Variants in SAMMSON observed in about 807,000 individuals in gnomAD.
The protein encoded by SAMMSON is long intergenic non-protein coding RNA 1212.
chr3:70,243,313 AT>A (rs1205066122), intron 4 of SAMMSON, among the ~76,000 whole-genome samples: 4 of 151,614 alleles, frequency 2.6e-5, no homozygotes, highest in African/African-American at 9.7e-5. Context: ...AATAATTTTC[AT>A]TTTTCTTTGT....
At chr3:70,128,673 G>A (rs1452467693) in intron 4 of SAMMSON, among the ~76,000 whole-genome samples, 1 of 152,040 alleles carries the variant, frequency 6.6e-6, no homozygotes, top group Non-Finnish European at 1.5e-5. Context: ...TCTTTCGATT[G>A]TCTGACTCTT....
At chr3:70,328,033 T>C (rs979182068) in intron 7 of SAMMSON, among the ~76,000 whole-genome samples, 7 of 152,052 alleles carry the variant, frequency 4.6e-5, no homozygotes, top group Non-Finnish European at 1.0e-4. Flanking sequence ...TGGTGGAAGG[T>C]GAAAGGCACA....
At chr3:70,329,515 T>C (rs1240331417) in intron 7 of SAMMSON, among the ~76,000 whole-genome samples, 1 of 151,948 alleles carries the variant, frequency 6.6e-6, no homozygotes, top group Non-Finnish European at 1.5e-5. Flanking sequence ...TATAAAAATA[T>C]TGTATTATAG....
At chr3:70,421,778 A>G (rs1264215019) in intron 2 of SAMMSON, among the ~76,000 whole-genome samples, 1 of 152,108 alleles carries the variant, frequency 6.6e-6, no homozygotes, top group Non-Finnish European at 1.5e-5. Flanking sequence ...TAACTTTCAA[A>G]TGCTTGGTCT....
chr3:70,260,275 C>G (rs1701853167), intron 6 of SAMMSON, among the ~76,000 whole-genome samples: 1 of 152,158 alleles, frequency 6.6e-6, no homozygotes, highest in Non-Finnish European at 1.5e-5. Flanking sequence ...TACGGCATTT[C>G]CCCTGTGTGT....
At position 70,331,332 on chromosome 3, in the gene SAMMSON, C is replaced by T. The variant is rs557176275; in HGVS notation, n.740-22843C>T. Among the ~76,000 whole-genome samples, 70 of 152,258 alleles carry T rather than the reference C, an allele frequency of 4.6e-4. 1 individual carries two copies. The South Asian group carries it at 0.013, about 28-fold the overall frequency. ...ACTAGTGGATGAGCTACTGGTGTAT[C>T]GCTAGGGCTTATGTACAGCTTATCA... On this transcript the variant is annotated intron_variant and non_coding_transcript_variant, in intron 7 of 9. Transcript: ENST00000642114.
intron 1 of SAMMSON, among the ~76,000 whole-genome samples, chr3:70,002,081 A>G (rs2107573675): frequency 6.6e-6 from 1 of 152,200 alleles, no homozygotes; most frequent in South Asian, 2.1e-4. Flanking sequence ...CTTTATATGG[A>G]TGTATCACAG....
chr3:70,215,848 C>A (rs1302327994), intron 4 of SAMMSON, among the ~76,000 whole-genome samples: 1 of 152,082 alleles, frequency 6.6e-6, no homozygotes, highest in East Asian at 1.9e-4. Flanking sequence ...ACAATGGACT[C>A]ATCCTTAGGG....
intron 6 of SAMMSON, among the ~76,000 whole-genome samples, chr3:70,285,079 T>G (rs1355951974): frequency 6.6e-6 from 1 of 152,072 alleles, no homozygotes; most frequent in Non-Finnish European, 1.5e-5. Flanking sequence ...TATTATACTT[T>G]AAGTTTTAGG....
intron 7 of SAMMSON, among the ~76,000 whole-genome samples, chr3:70,293,429 A>T (rs1216336791): frequency 6.6e-6 from 1 of 152,162 alleles, no homozygotes; most frequent in Non-Finnish European, 1.5e-5. Flanking sequence ...GCAACAACAG[A>T]AATTAAATAG....
intron 3 of SAMMSON, among the ~76,000 whole-genome samples, chr3:70,053,313 T>A (rs1369129814): frequency 6.6e-6 from 1 of 152,170 alleles, no homozygotes; most frequent in African/African-American, 2.4e-5. Flanking sequence ...CCTGTAGCCT[T>A]TTCCATGCAT....
chr3:70,076,552 G>A (rs1308501352), intron 4 of SAMMSON, among the ~76,000 whole-genome samples: 1 of 152,108 alleles, frequency 6.6e-6, no homozygotes, highest in African/African-American at 2.4e-5. Context: ...CGTGTGTGTG[G>A]TTCAGTGCAG....
At chr3:70,375,426 G>T (rs1440931297) in intron 9 of SAMMSON, among the ~76,000 whole-genome samples, 2 of 146,820 alleles carry the variant, frequency 1.4e-5, no homozygotes, top group Admixed American at 6.8e-5. Context: ...TGCCACAAGT[G>T]TTGGTGTCAT....
At chr3:70,188,679 T>C (rs1227836247) in intron 4 of SAMMSON, among the ~76,000 whole-genome samples, 1 of 152,088 alleles carries the variant, frequency 6.6e-6, no homozygotes, top group East Asian at 1.9e-4. Flanking sequence ...ATTTAGTGAG[T>C]TTACCATATA....
chr3:70,222,456 T>C (rs572814409), intron 4 of SAMMSON, among the ~76,000 whole-genome samples: 5 of 152,370 alleles, frequency 3.3e-5, no homozygotes, highest in African/African-American at 1.2e-4. Flanking sequence ...TTTGTGTCTA[T>C]GTGCTTACAA....
At chr3:70,336,032 T>TA (rs1702657714) in intron 7 of SAMMSON, among the ~76,000 whole-genome samples, 1 of 151,972 alleles carries the variant, frequency 6.6e-6, no homozygotes, top group African/African-American at 2.4e-5. Context: ...AAGTTCATCC[T>TA]AAAAAAGAAC....
chr3:70,292,446 T>C (rs1195140845), intron 7 of SAMMSON, among the ~76,000 whole-genome samples: 1 of 152,144 alleles, frequency 6.6e-6, no homozygotes, highest in Non-Finnish European at 1.5e-5. Context: ...ATGATATCAC[T>C]AGTAATACTA....
chr3:70,428,085 G>T (rs2106778311), intron 2 of SAMMSON, among the ~76,000 whole-genome samples: 1 of 152,168 alleles, frequency 6.6e-6, no homozygotes, highest in South Asian at 2.1e-4. Flanking sequence ...AAATACTGCG[G>T]AAAGAAATTA....
intron 4 of SAMMSON, among the ~76,000 whole-genome samples, chr3:70,118,544 T>C (rs1434728196): frequency 2.0e-5 from 3 of 152,198 alleles, no homozygotes; most frequent in Non-Finnish European, 4.4e-5. Flanking sequence ...TGAATTATAT[T>C]TTGATTAAAA....
Sources: gnomAD v4.1 joint callset for allele counts (sites outside exome capture counted in the v4.1 genomes callset) on GRCh38, gnomAD v4.1.1 for gene constraint, MANE v1.5 for transcripts, NCBI Gene and HGNC (gene_info 2026-07-23, HGNC 2026-07-21) for gene names.